Variants in DMD observed in about 807,000 individuals in gnomAD.
DMD encodes dystrophin.
Under a neutral mutation model 330.1 loss-of-function variants are expected in DMD, and 63 were observed. The ratio of observed to expected loss-of-function variants is 0.19; its 90% CI spans 0.16 to 0.24. DMD has a LOEUF of 0.24. DMD is among the 10% of genes least tolerant of loss of function. The pLI is 1.00. For missense variants in DMD, 3,344 were observed against 2,684.1 expected, an observed-to-expected ratio of 1.25 and a Z score of -5.43; for synonymous variants, 1,223 against 959.8, an observed-to-expected ratio of 1.27 and a Z score of -5.07.
chrX:31,951,064 C>T (rs2095155877), intron 45 of DMD, among the ~76,000 whole-genome samples: 2 of 98,057 alleles, frequency 2.0e-5, no homozygotes, highest in African/African-American at 7.5e-5. Flanking sequence ...GTAATATTTG[C>T]ATATACCTAA....
chrX:31,896,090 T>C (rs1215666772), intron 47 of DMD, among the ~76,000 whole-genome samples: 1 of 111,951 alleles, frequency 8.9e-6, no homozygotes, highest in East Asian at 2.8e-4. Context: ...CAGGGTTTAG[T>C]ATGACTAAAA....
intron 9 of DMD, 136 bp from the exon 10 acceptor site, chrX:32,645,288 A>G: frequency 1.5e-6 from 1 of 647,818 alleles, no homozygotes; most frequent in Non-Finnish European, 2.3e-6. Context: ...GGAACAGCAG[A>G]TACAGACAAT....
intron 7 of DMD, among the ~76,000 whole-genome samples, chrX:32,736,424 C>A (rs1339374691): frequency 9.0e-6 from 1 of 110,753 alleles, no homozygotes; most frequent in Non-Finnish European, 1.9e-5. Context: ...GGGTATATAC[C>A]CATAGGACTA....
intron 1 of DMD, among the ~76,000 whole-genome samples, chrX:33,181,196 GAGTT>G (rs973736039): frequency 2.7e-5 from 3 of 111,286 alleles, no homozygotes; most frequent in African/African-American, 9.8e-5. Context: ...TTTAAACAAT[GAGTT>G]AGTTAGATTA....
At chrX:32,850,357 A>T (rs1162478632) in intron 2 of DMD, among the ~76,000 whole-genome samples, 1 of 112,130 alleles carries the variant, frequency 8.9e-6, no homozygotes, top group Non-Finnish European at 1.9e-5. Context: ...TTAGGTTTGA[A>T]ACAACCCTGT....
intron 63 of DMD, among the ~76,000 whole-genome samples, chrX:31,251,563 T>C (rs906888666): frequency 8.9e-6 from 1 of 112,108 alleles, no homozygotes; most frequent in African/African-American, 3.2e-5. Flanking sequence ...TCATCCACTA[T>C]GTCATAAGAG....
At chrX:32,365,762 A>G (rs1308191777) in intron 34 of DMD, among the ~76,000 whole-genome samples, 1 of 112,282 alleles carries the variant, frequency 8.9e-6, no homozygotes, top group Non-Finnish European at 1.9e-5. Flanking sequence ...ATGTAGTAAT[A>G]CATGTTTTAT....
chrX:32,071,929 C>T lies in DMD; in HGVS notation c.6439-103415G>A, dbSNP rs928402019. 4.3e-4 allele frequency among the ~76,000 whole-genome samples: 48 copies of T among 111,309 alleles called. 1 individual carries two copies. The highest frequency in any genetic ancestry group is 1.5e-3 in the African/African-American group (47 of 30,673). ...AAATATTAATGTTAGAAAGGTAATG[C>T]AACGTGTTAGTAATTGCTCTGGAAT... is the stretch of plus-strand genomic sequence containing the variant. On this transcript the variant is annotated intron_variant, in intron 44 of 78. Coordinates refer to ENST00000357033, the MANE Select transcript of DMD (RefSeq NM_004006.3).
rs756636166 is a variant in DMD at position 33,237,307 on chromosome X, G to T, written c.7+101952C>A. Among the ~76,000 whole-genome samples the T allele has an allele frequency of 3.8e-5, 4 of 105,369 alleles. No individual in the cohort carries two copies. The Admixed American group carries it at 4.1e-4, about 11-fold the overall frequency. 91.5% of individuals were successfully genotyped at this position (105,369 alleles called of 115,157 possible). On this transcript the variant is annotated intron_variant, in intron 1 of 17. Coordinates refer to the DMD transcript ENST00000288447. ...TGCCCAGGCTGGAGTACAATGGCGC[G>T]ATCTCGGCTCACTGCAACCTGTGCC...
chrX:31,344,041 G>GC (rs1556531427), intron 61 of DMD, among the ~76,000 whole-genome samples: 1 of 102,041 alleles, frequency 9.8e-6, no homozygotes, highest in South Asian at 4.8e-4. Context: ...GGAGTGCGGG[G>GC]GGGGGTGGAT....
chrX:32,898,590 G>T (rs1418435447), intron 2 of DMD, among the ~76,000 whole-genome samples: 1 of 112,078 alleles, frequency 8.9e-6, no homozygotes, highest in Admixed American at 9.5e-5. Flanking sequence ...AAATTAAGTG[G>T]CAGATTAATG....
At chrX:31,736,385 G>A (rs1018192875) in intron 51 of DMD, among the ~76,000 whole-genome samples, 44 of 111,250 alleles carry the variant, frequency 4.0e-4, no homozygotes, top group African/African-American at 1.4e-3. Flanking sequence ...GTAGGGAAAC[G>A]ACAAAGAAAG....
chrX:32,053,611 C>T (rs1408679228), intron 44 of DMD, among the ~76,000 whole-genome samples: 4 of 110,964 alleles, frequency 3.6e-5, no homozygotes, highest in Non-Finnish European at 5.7e-5. Context: ...TACCACTCTC[C>T]AGTCCTAAAT....
intron 44 of DMD, among the ~76,000 whole-genome samples, chrX:32,006,145 A>G (rs953742504): frequency 1.1e-4 from 12 of 111,759 alleles, no homozygotes; most frequent in African/African-American, 3.2e-4. Flanking sequence ...CCACTCTGCC[A>G]TATCTATGTA....
intron 7 of DMD, among the ~76,000 whole-genome samples, chrX:32,712,741 C>T (rs1298615883): frequency 9.0e-6 from 1 of 111,094 alleles, no homozygotes; most frequent in Non-Finnish European, 1.9e-5. Context: ...ATTCTGCAGT[C>T]CATCATAGGT....
intron 4 of DMD, among the ~76,000 whole-genome samples, chrX:32,832,137 A>G (rs2079203487): frequency 9.0e-6 from 1 of 111,577 alleles, no homozygotes; most frequent in South Asian, 3.7e-4. Context: ...AGTGTAAAAT[A>G]CAAGCATTTT....
chrX:32,246,978 G>A (rs2097241613), intron 43 of DMD, among the ~76,000 whole-genome samples: 1 of 111,077 alleles, frequency 9.0e-6, no homozygotes, highest in Admixed American at 9.7e-5. Flanking sequence ...TACAGATATG[G>A]CCAGGACCCA....
intron 7 of DMD, among the ~76,000 whole-genome samples, chrX:32,806,786 A>G (rs2076974560): frequency 1.0e-5 from 1 of 99,974 alleles, no homozygotes. Context: ...CAGGATTAAG[A>G]AACTCACTCA....
intron 16 of DMD, among the ~76,000 whole-genome samples, chrX:32,552,366 G>A (rs1445599493): frequency 1.8e-5 from 2 of 110,784 alleles, no homozygotes; most frequent in Non-Finnish European, 1.9e-5. Context: ...ACAAGCAATG[G>A]GAAAAGGACT....
Sources: gnomAD v4.1 joint callset for allele counts (sites outside exome capture counted in the v4.1 genomes callset) on GRCh38, gnomAD v4.1.1 for gene constraint, MANE v1.5 for transcripts, NCBI Gene and HGNC (gene_info 2026-07-23, HGNC 2026-07-21) for gene names.